MYO16: variants seen among roughly 807,000 people sequenced by gnomAD.
MYO16 encodes the protein unconventional myosin-XVI.
A neutral mutation model predicts 205.3 loss-of-function variants in MYO16; 94 were observed. That is an observed-to-expected ratio of 0.46 (90% CI 0.39 to 0.54). MYO16 has a LOEUF of 0.54. MYO16 is among the 20% of genes least tolerant of loss of function. The pLI is 0.00. For synonymous variants in MYO16, 988 were observed against 954.0 expected (o/e 1.04, Z -0.66); for missense variants, 2,315 against 2,387.5 (o/e 0.97, Z 0.63).
chr13:108,949,976 T>C (rs1445992403), intron 16 of MYO16, among the ~76,000 whole-genome samples: 1 of 146,356 alleles, frequency 6.8e-6, no homozygotes, highest in African/African-American at 2.6e-5. Flanking sequence ...TGGGCATCCA[T>C]AGGCAAAACA....
the MYO16 span, among the ~76,000 whole-genome samples, chr13:108,496,281 C>T: frequency 6.6e-6 from 1 of 152,208 alleles, no homozygotes; most frequent in African/African-American, 2.4e-5. Flanking sequence ...TTTCGAGGGA[C>T]GCGGAAGCCC....
intron 12 of MYO16, among the ~76,000 whole-genome samples, chr13:108,867,834 C>T (rs1373537106): frequency 6.6e-6 from 1 of 152,106 alleles, no homozygotes; most frequent in African/African-American, 2.4e-5. Context: ...GACATACCTC[C>T]CCAAAAGACA....
chr13:108,789,373 C>T (rs1184555704), intron 5 of MYO16, among the ~76,000 whole-genome samples: 1 of 152,126 alleles, frequency 6.6e-6, no homozygotes, highest in African/African-American at 2.4e-5. Flanking sequence ...CAGTAGCTTC[C>T]AAAACTGGTC....
At position 108,971,349 on chromosome 13, in the gene MYO16, TTATATATATA is replaced by T. The variant is rs60564701; in HGVS notation, c.2369+6464_2369+6473del. ...GAATAAAATGGTGTGTGTGTGTTGATTATATATATATATATATATATATATACACATATAA... is the reference window on the plus strand; with the variant it reads ...GAATAAAATGGTGTGTGTGTGTTGATTATATATATATATATACACATATAA... On this transcript the variant is annotated intron_variant, in intron 20 of 34. Transcript: ENST00000457511. Among the ~76,000 whole-genome samples the T allele has an allele frequency of 8.6e-3, 1,245 of 144,276 alleles. 13 individuals are homozygous for T. The highest frequency in any genetic ancestry group is 0.03 in the African/African-American group (1,172 of 39,140). The allele number at this position is 144,276 out of a possible 152,430, so 94.7% of individuals were successfully genotyped here.
intron 4 of MYO16, among the ~76,000 whole-genome samples, chr13:108,777,794 C>T (rs1886170993): frequency 6.6e-6 from 1 of 152,124 alleles, no homozygotes; most frequent in African/African-American, 2.4e-5. Context: ...TCCACGTTTA[C>T]CTGTGTTCCC....
At chr13:109,149,240 C>T (rs12875454) in intron 32 of MYO16, among the ~76,000 whole-genome samples, 4,801 of 152,308 alleles carry the variant, frequency 0.032, 106 homozygotes, top group Non-Finnish European at 0.048. Context: ...CAGATATACA[C>T]TGTGACGTGT....
chr13:109,034,226 A>G (rs1886638360), intron 23 of MYO16, among the ~76,000 whole-genome samples: 1 of 152,230 alleles, frequency 6.6e-6, no homozygotes, highest in Non-Finnish European at 1.5e-5. Flanking sequence ...TGTTACTTTT[A>G]GTACATTCCA....
chr13:108,973,213 A>G (rs1884123112), intron 20 of MYO16, among the ~76,000 whole-genome samples: 1 of 152,064 alleles, frequency 6.6e-6, no homozygotes, highest in Admixed American at 6.6e-5. Flanking sequence ...GGCTTTTGAC[A>G]ATATATCACT....
At chr13:108,738,774 G>T (rs1270528487) in intron 4 of MYO16, among the ~76,000 whole-genome samples, 1 of 152,180 alleles carries the variant, frequency 6.6e-6, no homozygotes, top group Non-Finnish European at 1.5e-5. Flanking sequence ...GCAAGTCTAA[G>T]TCTCTTTATA....
chr13:108,827,460 T>C (rs1028305012), intron 9 of MYO16, among the ~76,000 whole-genome samples: 3 of 152,178 alleles, frequency 2.0e-5, no homozygotes, highest in Non-Finnish European at 4.4e-5. Flanking sequence ...TGCCTGTCTT[T>C]AAATATTTGA....
chr13:109,140,919 G>A lies in MYO16; in HGVS notation c.4707G>A (p.Lys1569=), dbSNP rs375544176. Reference sequence around the variant, plus strand: ...CCCCGCAGTACTCCAAGAGCCAGAAGGGCGACGGCGACAGGCCCGCGTCCC... The same window carrying A: ...CCCCGCAGTACTCCAAGAGCCAGAAAGGCGACGGCGACAGGCCCGCGTCCC... ...PLSPQYSKSQ[K]GDGDRPASPG... Residue 1569 remains lysine (K), a synonymous_variant, in exon 32 of 35, where the codon AAG becomes AAA. Transcript: ENST00000457511. This position sits in a 1 kb window ranked among gnomAD's most constrained non-coding sequence, Gnocchi z 8.0. 3 of 1,570,992 alleles carry A rather than the reference G, an allele frequency of 1.9e-6. No individual in the cohort carries two copies. Among genetic ancestry groups the A allele is most frequent in the Non-Finnish European group, 2.6e-6 (3 of 1,161,322 alleles).
At chr13:108,826,753 T>G (rs989674012) in intron 9 of MYO16, among the ~76,000 whole-genome samples, 4 of 152,142 alleles carry the variant, frequency 2.6e-5, no homozygotes, top group African/African-American at 9.7e-5. Context: ...GAAGATACAA[T>G]CATAGCCCAC....
At chr13:108,593,757 C>T (rs1447001267), upstream of MYO16, among the ~76,000 whole-genome samples, 1 of 152,148 alleles carries the variant, frequency 6.6e-6, no homozygotes, top group African/African-American at 2.4e-5. Flanking sequence ...AACACTCCAG[C>T]TCAGATACCC....
At chr13:109,178,617 C>T (rs1237806837) in intron 33 of MYO16, among the ~76,000 whole-genome samples, 6 of 152,092 alleles carry the variant, frequency 3.9e-5, no homozygotes, top group Non-Finnish European at 7.4e-5. Context: ...TTTGTCTATT[C>T]ATGTTTATTA....
the MYO16 span, among the ~76,000 whole-genome samples, chr13:108,509,865 T>A: frequency 6.6e-6 from 1 of 152,126 alleles, no homozygotes; most frequent in African/African-American, 2.4e-5. Context: ...ATGGACTCTC[T>A]CTTTTTCTTC....
chr13:108,559,401 G>A, the MYO16 span, among the ~76,000 whole-genome samples: 1 of 151,624 alleles, frequency 6.6e-6, no homozygotes, highest in African/African-American at 2.4e-5. Context: ...CCCCAGGACT[G>A]TGGAAGATTA....
chr13:108,916,732 A>T (rs2139250534), intron 16 of MYO16, among the ~76,000 whole-genome samples: 1 of 152,324 alleles, frequency 6.6e-6, no homozygotes, highest in East Asian at 1.9e-4. Flanking sequence ...AATGAGAATG[A>T]GAGGAATTGG....
intron 2 of MYO16, among the ~76,000 whole-genome samples, chr13:108,712,144 A>T (rs1594231681): frequency 6.6e-6 from 1 of 152,214 alleles, no homozygotes; most frequent in Admixed American, 6.5e-5. Context: ...TGACTTAACT[A>T]ATTTGGATAT....
At chr13:109,205,095 C>T (rs542791685) in intron 34 of MYO16, among the ~76,000 whole-genome samples, 1 of 152,306 alleles carries the variant, frequency 6.6e-6, no homozygotes, top group East Asian at 1.9e-4. Context: ...CTCTGCAGCT[C>T]ACTCTCTGTT....
Sources: gnomAD v4.1 joint callset for allele counts (sites outside exome capture counted in the v4.1 genomes callset) on GRCh38, gnomAD v4.1.1 for gene constraint, Gnocchi (gnomAD v3.1) non-coding constraint, MANE v1.5 for transcripts, NCBI Gene and HGNC (gene_info 2026-07-23, HGNC 2026-07-21) for gene names.